SLIT3: variants seen among roughly 807,000 people sequenced by gnomAD.
SLIT3 encodes slit guidance ligand 3.
A neutral mutation model predicts 184.0 loss-of-function variants in SLIT3; 68 were observed. The observed-to-expected ratio is 0.37, with a 90% CI of 0.30 to 0.45. The LOEUF (loss-of-function observed/expected upper bound fraction) is 0.45. SLIT3 is among the 20% of genes least tolerant of loss of function. The probability of loss-of-function intolerance (pLI) is 1.00; values close to 1 mark genes in which losing one functional copy is unlikely to be tolerated. For synonymous variants in SLIT3, 831 were observed against 828.6 expected, an observed-to-expected ratio of 1.00 and a Z score of -0.05; for missense variants, 1,707 against 2,026.0, an observed-to-expected ratio of 0.84 and a Z score of 3.02.
chr5:168,935,544 A>T (rs1398042426), intron 4 of SLIT3, among the ~76,000 whole-genome samples: 1 of 152,218 alleles, frequency 6.6e-6, no homozygotes, highest in Non-Finnish European at 1.5e-5. Context: ...GCACCTCAAT[A>T]AGTATTAATG....
chr5:168,866,644 A>G (rs1351428397), intron 5 of SLIT3, among the ~76,000 whole-genome samples: 3 of 152,068 alleles, frequency 2.0e-5, no homozygotes, highest in Admixed American at 6.5e-5. Context: ...ATTTCCCCCA[A>G]TTGTTTTAAA....
At chr5:169,087,851 G>A (rs1686653265) in intron 4 of SLIT3, among the ~76,000 whole-genome samples, 1 of 152,108 alleles carries the variant, frequency 6.6e-6, no homozygotes, top group Non-Finnish European at 1.5e-5. Context: ...TTTTCACAGG[G>A]AGGAATGTAT....
At chr5:168,796,960 G>A (rs1756583673) in intron 9 of SLIT3, among the ~76,000 whole-genome samples, 1 of 152,172 alleles carries the variant, frequency 6.6e-6, no homozygotes, top group Non-Finnish European at 1.5e-5. Context: ...AGAGGAGAGA[G>A]GGAGTATCAG....
intron 4 of SLIT3, among the ~76,000 whole-genome samples, chr5:169,016,947 T>C (rs1419677904): frequency 6.6e-6 from 1 of 152,138 alleles, no homozygotes; most frequent in Non-Finnish European, 1.5e-5. Flanking sequence ...TGATCCCAGG[T>C]CACAGAGCAA....
intron 4 of SLIT3, among the ~76,000 whole-genome samples, chr5:168,950,283 G>T (rs1029320380): frequency 6.6e-5 from 10 of 152,156 alleles, no homozygotes; most frequent in Non-Finnish European, 1.5e-4. Context: ...CACCAAATCC[G>T]CTGGAGCTTT....
At chr5:168,698,057 T>C (rs905974902) in intron 27 of SLIT3, among the ~76,000 whole-genome samples, 1 of 152,174 alleles carries the variant, frequency 6.6e-6, no homozygotes, top group Non-Finnish European at 1.5e-5. Context: ...GAGTTGGTTG[T>C]GGGGATGAGA....
At position 168,897,646 on chromosome 5, in the gene SLIT3, G is replaced by GCGCGCACACACACACACACA; in HGVS notation, c.414-14311_414-14310insTGTGTGTGTGTGTGTGCGCG. 3.4e-3 allele frequency among the ~76,000 whole-genome samples: 357 copies of GCGCGCACACACACACACACA among 105,428 alleles called. 5 individuals carry two copies. The highest frequency in any genetic ancestry group is 0.014 in the African/African-American group (331 of 23,804). 69.2% of individuals were successfully genotyped at this position (105,428 alleles called of 152,430 possible). A position where few individuals can be genotyped will look rare whatever the true frequency, so the allele number is the denominator to read the frequency against. On this transcript the variant is annotated intron_variant, in intron 4 of 35. Coordinates refer to ENST00000519560, the MANE Select transcript of SLIT3 (RefSeq NM_003062.4). ...AGAAAGAGGATGGAGACAGGTGCAC[G>GCGCGCACACACACACACACA]TACACACACACACACACACACACAC...
chr5:168,940,885 G>A (rs1023285483), intron 4 of SLIT3, among the ~76,000 whole-genome samples: 1 of 152,132 alleles, frequency 6.6e-6, no homozygotes, highest in Non-Finnish European at 1.5e-5. Flanking sequence ...TTTAAGTGAA[G>A]CTCTGGCTGG....
chr5:168,754,488 G>A (rs983186916), intron 16 of SLIT3, among the ~76,000 whole-genome samples: 1 of 152,174 alleles, frequency 6.6e-6, no homozygotes, highest in Non-Finnish European at 1.5e-5. Flanking sequence ...GGCTGGGAAG[G>A]TTTGAGGGAG....
chr5:169,025,938 C>T (rs1045347320), intron 4 of SLIT3, among the ~76,000 whole-genome samples: 2 of 152,220 alleles, frequency 1.3e-5, no homozygotes, highest in African/African-American at 4.8e-5. Flanking sequence ...GCTATAGCCA[C>T]CTGCGATTTC....
At chr5:168,875,255 A>T (rs1759689617) in intron 5 of SLIT3, among the ~76,000 whole-genome samples, 1 of 150,662 alleles carries the variant, frequency 6.6e-6, no homozygotes, top group African/African-American at 2.4e-5. Flanking sequence ...GAGAGAGGGA[A>T]GAAGAGAGTG....
intron 4 of SLIT3, among the ~76,000 whole-genome samples, chr5:169,154,595 G>A (rs1309347835): frequency 2.6e-5 from 4 of 152,242 alleles, no homozygotes; most frequent in African/African-American, 9.6e-5. Context: ...CATTGGCTGT[G>A]CAAACTCGAA....
chr5:169,028,726 C>T (rs527761011), intron 4 of SLIT3, among the ~76,000 whole-genome samples: 1 of 152,280 alleles, frequency 6.6e-6, no homozygotes, highest in South Asian at 2.1e-4. Context: ...GCTAGCTAGA[C>T]TAATAACTTC....
At chr5:168,793,345 C>A (rs577523581) in intron 10 of SLIT3, among the ~76,000 whole-genome samples, 1 of 151,920 alleles carries the variant, frequency 6.6e-6, no homozygotes, top group African/African-American at 2.4e-5. Context: ...AAACTGGTCA[C>A]GTATATTTAG....
chr5:169,017,038 T>A (rs1016996020), intron 4 of SLIT3, among the ~76,000 whole-genome samples: 5 of 152,208 alleles, frequency 3.3e-5, no homozygotes, highest in African/African-American at 1.2e-4. Flanking sequence ...AGTGAATTAT[T>A]ACTGCAGAAC....
intron 4 of SLIT3, among the ~76,000 whole-genome samples, chr5:168,949,823 C>T (rs1581237304): frequency 6.6e-6 from 1 of 152,128 alleles, no homozygotes. Context: ...AAGTCCTGGA[C>T]TCAAGTGATC....
At chr5:168,754,076 C>A in intron 16 of SLIT3, 69 bp from the exon 17 acceptor site, 1 of 1,489,132 alleles carries the variant, frequency 6.7e-7, no homozygotes. Flanking sequence ...GAGGGGATGA[C>A]TTGCCCTGCA....
chr5:169,241,089 C>G (rs531996676), intron 3 of SLIT3, among the ~76,000 whole-genome samples: 5 of 151,910 alleles, frequency 3.3e-5, no homozygotes, highest in Non-Finnish European at 7.4e-5. Flanking sequence ...TTGACATTGA[C>G]TTTTTTAAAA....
intron 27 of SLIT3, among the ~76,000 whole-genome samples, chr5:168,697,697 A>G (rs959023763): frequency 6.6e-6 from 1 of 152,244 alleles, no homozygotes; most frequent in South Asian, 2.1e-4. Context: ...ACCATATCAC[A>G]TTTTCTACAA....
Sources: gnomAD v4.1 joint callset for allele counts (sites outside exome capture counted in the v4.1 genomes callset) on GRCh38, gnomAD v4.1.1 for gene constraint, MANE v1.5 for transcripts, NCBI Gene and HGNC (gene_info 2026-07-23, HGNC 2026-07-21) for gene names.